The following PRSS36 variants were observed in gnomAD, a reference collection of about 807,000 sequenced individuals.
The protein encoded by PRSS36 is polyserase-2.
In PRSS36, 90 loss-of-function variants were observed where a neutral mutation model predicts 94.3. That is an observed-to-expected ratio of 0.95 (90% CI 0.80 to 1.14). PRSS36 has a LOEUF of 1.14. Among genes scored for constraint, PRSS36 ranks in the 50% most tolerant of loss-of-function variants. The pLI, the probability that PRSS36 is intolerant of heterozygous loss-of-function variation, is 0.00. For missense variants in PRSS36, 1,158 were observed against 1,135.0 expected (o/e 1.02, Z -0.29); for synonymous variants, 500 against 489.6 (o/e 1.02, Z -0.28).
chr16:31,140,464 C>A, intron 13 of PRSS36, 28 bp downstream of exon 13: 2 of 1,599,682 alleles, frequency 1.3e-6, no homozygotes, highest in East Asian at 2.2e-5. Flanking sequence ...TCCAGCTACT[C>A]CTCGTTCCCG....
At chr16:31,147,038 C>CT (rs2057808237) in intron 5 of PRSS36, among the ~76,000 whole-genome samples, 1 of 152,152 alleles carries the variant, frequency 6.6e-6, no homozygotes, top group Non-Finnish European at 1.5e-5. Flanking sequence ...CAGGTGATGG[C>CT]TGAAGCTGTA....
At position 31,148,655 on chromosome 16, in the gene PRSS36, G is replaced by A. The variant is rs961488582; in HGVS notation, c.293C>T (p.Ala98Val). ...GCCCAGCAGTACCGACCACTCGGCC[G>A]CGGGCTCCAGCGTCCCATTCCTGCG... The part of the protein sequence containing the change: ...CFMTNGTLEP[A>V]AEWSVLLGVH... The change falls in exon 5 of 15, where the codon GCG becomes GTG. Residue 98 changes from alanine (A) to valine (V), a missense_variant. Coordinates refer to ENST00000268281, the MANE Select transcript of PRSS36 (RefSeq NM_173502.5). 3 of 1,612,510 alleles carry A rather than the reference G, an allele frequency of 1.9e-6. No homozygotes were observed. Among genetic ancestry groups the A allele is most frequent in the Admixed American group, 3.3e-5 (2 of 59,976 alleles).
intron 7 of PRSS36, 30 bp downstream of exon 7, chr16:31,143,558 C>T (rs1037334745): frequency 4.3e-6 from 7 of 1,613,056 alleles, no homozygotes; most frequent in East Asian, 4.5e-5. Flanking sequence ...TCCCATGTCC[C>T]GCTTACATCC....
intron 1 of PRSS36, 56 bp downstream of exon 1, chr16:31,149,942 GC>G: frequency 6.3e-7 from 1 of 1,594,740 alleles, no homozygotes; most frequent in Non-Finnish European, 8.6e-7. Context: ...CTGCTCTCCA[GC>G]CCCCCAGATG....
rs751365959 is a variant in PRSS36 at position 31,150,040 on chromosome 16, C to G, written c.-5G>C. The G allele has an allele frequency of 1.8e-5, 29 of 1,613,730 alleles. No individual in the cohort carries two copies. The East Asian group carries it at 6.5e-4, about 36-fold the overall frequency. Reference sequence around the variant, plus strand: ...GAGGAGCAGGTGCCGGGCCATGGCGCTAGAGTCAGCGGAGGCAGAGCCAAG... The same window carrying G: ...GAGGAGCAGGTGCCGGGCCATGGCGGTAGAGTCAGCGGAGGCAGAGCCAAG... On this transcript the variant is annotated 5_prime_UTR_variant, in exon 1 of 15. Transcript: ENST00000268281.
At position 31,149,169 on chromosome 16, in the gene PRSS36, G is replaced by A. The variant is rs1382544542; in HGVS notation, c.176C>T (p.Pro59Leu). The change falls in exon 4 of 15, where the codon CCT becomes CTT. Residue 59 changes from proline to leucine, a missense_variant. Coordinates refer to ENST00000268281, the MANE Select transcript of PRSS36 (RefSeq NM_173502.5). The part of the protein sequence containing the change: ...GGSNAQPGTW[P>L]WQVSLHHGGG... Reference sequence around the variant, plus strand: ...TCCATGGTGCAGGCTCACTTGCCAAGGCCAGGTGCCCGGCTGCGCGTTTGA... The same window carrying A: ...TCCATGGTGCAGGCTCACTTGCCAAAGCCAGGTGCCCGGCTGCGCGTTTGA... 2 of 1,574,968 alleles carry A rather than the reference G, an allele frequency of 1.3e-6. No individual in the cohort carries two copies. The highest frequency in any genetic ancestry group is 1.7e-6 in the Non-Finnish European group (2 of 1,161,316).
intron 5 of PRSS36, 46 bp from the exon 6 acceptor site, chr16:31,146,001 T>C: frequency 1.3e-6 from 2 of 1,520,324 alleles, no homozygotes; most frequent in Non-Finnish European, 1.7e-6. Flanking sequence ...AGGTATGGCA[T>C]CCCCAGTTCC....
chr16:31,140,208 A>C, intron 14 of PRSS36, 86 bp downstream of exon 14: 1 of 1,427,998 alleles, frequency 7.0e-7, no homozygotes. Flanking sequence ...AAAAAAAAAA[A>C]AATTCCAATT....
At chr16:31,147,249 G>A (rs537998557) in intron 5 of PRSS36, among the ~76,000 whole-genome samples, 1 of 152,190 alleles carries the variant, frequency 6.6e-6, no homozygotes, top group Admixed American at 6.5e-5. Context: ...CCACAGGGTG[G>A]CCTTCATCTC....
Position 31,143,606 on chromosome 16 carries a change from A to T in PRSS36, c.952T>A (p.Cys318Ser). Reference protein sequence around the residue: ...SDPQEPREENCTIALPECGKA... With the variant: ...SDPQEPREENSTIALPECGKA... Reference sequence around the variant, plus strand: ...CACTCACCAGGCAGGGCAATGGTGCAGTTCTCCTCCCTGGGCTCCTGGGGA... The same window carrying T: ...CACTCACCAGGCAGGGCAATGGTGCTGTTCTCCTCCCTGGGCTCCTGGGGA... The change falls in exon 7 of 15, where the codon TGC (cysteine) becomes AGC (serine). Residue 318 changes from cysteine to serine, a missense_variant. By Grantham distance (112) the Cys-to-Ser change is moderately radical (BLOSUM62 -1). Transcript: ENST00000268281. 4 of 1,614,186 alleles carry T rather than the reference A, an allele frequency of 2.5e-6. No homozygotes were observed. The Middle Eastern group carries it at 4.9e-4, about 200-fold the overall frequency.
intron 12 of PRSS36, 93 bp downstream of exon 12, chr16:31,141,376 T>TAGAC (rs2057684843): frequency 1.5e-6 from 2 of 1,350,390 alleles, no homozygotes; most frequent in Non-Finnish European, 2.0e-6. Context: ...TAATTTTTTT[T>TAGAC]AAACAAACAA....
At position 31,142,803 on chromosome 16, in the gene PRSS36, G is replaced by C. The variant is rs1223695832; in HGVS notation, c.1291C>G (p.Leu431Val). Residue 431 changes from leucine to valine, a missense_variant, in exon 9 of 15, where the codon CTA (leucine) becomes GTA (valine). Physicochemically the swap from Leu to Val is conservative, Grantham distance 32. Coordinates refer to ENST00000268281, the MANE Select transcript of PRSS36 (RefSeq NM_173502.5). The stretch of plus-strand genomic sequence containing the variant: ...AGGAAGTAGTGTTCCGGGTGGGGTA[G>C]GCACACGGGCCGCGAAGCCGCGCTC... ...NLSAASRPVC[L>V]PHPEHYFLPG... 6.6e-7 allele frequency: 1 copy of C among 1,514,796 alleles called. No individual in the cohort carries two copies. The highest frequency in any genetic ancestry group is 8.8e-7 in the Non-Finnish European group (1 of 1,132,364). The allele number at this position is 1,514,796 out of a possible 1,614,324, so 93.8% of individuals were successfully genotyped here.
At position 31,143,727 on chromosome 16, in the gene PRSS36, A is replaced by C. The variant is rs1163976066; in HGVS notation, c.831T>G (p.Thr277=). ...TCCATGCCTCATAGGTAGCCACAGC[A>C]GTGAAAACTCCAGGGCGGTTTCTCC... is the stretch of plus-strand genomic sequence containing the variant. The part of the protein sequence containing the change: ...CGRRNRPGVF[T]AVATYEAWIR... The change falls in exon 7 of 15, where the codon ACT becomes ACG. Residue 277 remains threonine (T), a synonymous_variant. Coordinates refer to ENST00000268281, the MANE Select transcript of PRSS36 (RefSeq NM_173502.5). 1.2e-6 allele frequency: 2 copies of C among 1,614,148 alleles called. No individual in the cohort carries two copies. The highest frequency in any genetic ancestry group is 8.5e-7 in the Non-Finnish European group (1 of 1,180,026).
chr16:31,148,887 T>C (rs181143530), intron 4 of PRSS36, among the ~76,000 whole-genome samples, 186 bp downstream of exon 4: 239 of 151,372 alleles, frequency 1.6e-3, no homozygotes, highest in African/African-American at 5.6e-3. Flanking sequence ...TTGAGTGGAG[T>C]GGTGGGACCA....
chr16:31,143,028 C>A (rs768111567), intron 8 of PRSS36, 35 bp from the exon 9 acceptor site: 5 of 1,373,278 alleles, frequency 3.6e-6, no homozygotes, highest in Non-Finnish European at 4.7e-6. Flanking sequence ...TGGGCCGGAT[C>A]CCGCACACGT....
chr16:31,141,721 A>C lies in PRSS36; in HGVS notation c.1759+2T>G. 3 of 1,610,234 alleles carry C rather than the reference A, an allele frequency of 1.9e-6. No individual in the cohort carries two copies. Among genetic ancestry groups the C allele is most frequent in the Non-Finnish European group, 2.5e-6 (3 of 1,176,730 alleles). ...CCTAGGGCCCAAAAGCGTCCTGCTC[A>C]CCACCATGCTCTGTGTGTGGGGGAC... On this transcript the variant is annotated splice_donor_variant, in intron 11 of 14. Transcript: ENST00000268281. LOFTEE classifies it high-confidence loss of function.
intron 10 of PRSS36, 77 bp downstream of exon 10, chr16:31,142,404 T>A: frequency 7.5e-7 from 1 of 1,332,616 alleles, no homozygotes; most frequent in East Asian, 2.8e-5. Flanking sequence ...CCACTTGGAC[T>A]CGCCTTCCAC....
rs1333464382 is a variant in PRSS36 at position 31,141,554 on chromosome 16, C to T, written c.1816G>A (p.Glu606Lys). The T allele has an allele frequency of 6.2e-7, 1 of 1,613,450 alleles. No homozygotes were observed. Among genetic ancestry groups the T allele is most frequent in the South Asian group, 1.1e-5 (1 of 91,086 alleles). ...PVGVLWPWLA[E>K]VHVAGDRVCT... Reference sequence around the variant, plus strand: ...ACTCGATCACCAGCCACATGCACCTCTGCCAGCCAGGGCCACAGGACCCCC... The same window carrying T: ...ACTCGATCACCAGCCACATGCACCTTTGCCAGCCAGGGCCACAGGACCCCC... Residue 606 changes from glutamate (E) to lysine (K), a missense_variant, in exon 12 of 15, where the codon GAG (glutamate) becomes AAG (lysine). By Grantham distance (56) the Glu-to-Lys change is moderately conservative. Transcript: ENST00000268281.
rs780596988 is a variant in PRSS36 at position 31,141,590 on chromosome 16, C to T, written c.1780G>A (p.Ala594Thr). 2.5e-6 allele frequency: 4 copies of T among 1,613,348 alleles called. No individual in the cohort carries two copies. Among genetic ancestry groups the T allele is most frequent in the Middle Eastern group, 1.6e-4 (1 of 6,062 alleles). ...EHGACGLRLEAAPVGVLWPWL... is the reference protein window; with the variant it reads ...EHGACGLRLETAPVGVLWPWL... ...GGCCACAGGACCCCCACTGGAGCAGCCTCCAGCCGCAGGCCACAGGCTAGG... is the reference window on the plus strand; with the variant it reads ...GGCCACAGGACCCCCACTGGAGCAGTCTCCAGCCGCAGGCCACAGGCTAGG... Residue 594 changes from alanine (A) to threonine (T), a missense_variant, in exon 12 of 15, where the codon GCT becomes ACT. Coordinates refer to ENST00000268281, the MANE Select transcript of PRSS36 (RefSeq NM_173502.5).
Sources: gnomAD v4.1 joint callset for allele counts (sites outside exome capture counted in the v4.1 genomes callset) on GRCh38, gnomAD v4.1.1 for gene constraint, MANE v1.5 for transcripts, NCBI Gene and HGNC (gene_info 2026-07-23, HGNC 2026-07-21) for gene names.